The following LPP variants were observed in gnomAD, a reference collection of about 807,000 sequenced individuals.
The protein encoded by LPP is lipoma-preferred partner.
A neutral mutation model predicts 60.4 loss-of-function variants in LPP; 38 were observed. The observed-to-expected ratio is 0.63, with a 90% CI of 0.49 to 0.83. The LOEUF (loss-of-function observed/expected upper bound fraction) is 0.83. LPP is among the 40% of genes least tolerant of loss of function. The probability of loss-of-function intolerance (pLI) is 0.00; values close to 1 mark genes in which losing one functional copy is unlikely to be tolerated. For synonymous variants in LPP, 328 were observed against 290.8 expected (o/e 1.13, Z -1.30); for missense variants, 902 against 783.6 (o/e 1.15, Z -1.80).
At chr3:188,577,591 T>TTA (rs1471282395) in intron 6 of LPP, among the ~76,000 whole-genome samples, 2 of 151,348 alleles carry the variant, frequency 1.3e-5, no homozygotes, top group Admixed American at 1.3e-4. Flanking sequence ...TAAATTTATA[T>TTA]AAGTATATGT....
intron 3 of LPP, among the ~76,000 whole-genome samples, chr3:188,355,167 C>A (rs1476955947): frequency 6.6e-6 from 1 of 152,090 alleles, no homozygotes; most frequent in Non-Finnish European, 1.5e-5. Flanking sequence ...CGCCACCACA[C>A]CTGGCTAATT....
At chr3:188,267,115 G>A (rs1735852881) in intron 2 of LPP, among the ~76,000 whole-genome samples, 1 of 152,170 alleles carries the variant, frequency 6.6e-6, no homozygotes, top group Non-Finnish European at 1.5e-5. Flanking sequence ...AACCCAGAGG[G>A]AGTGTGGTGG....
chr3:188,818,470 C>G (rs1753063616), intron 9 of LPP, among the ~76,000 whole-genome samples: 1 of 152,184 alleles, frequency 6.6e-6, no homozygotes, highest in Non-Finnish European at 1.5e-5. Context: ...TTCAACTACA[C>G]ATGGATAGTC....
intron 9 of LPP, among the ~76,000 whole-genome samples, chr3:188,775,053 G>GTTTTTTTTTTTTTTTTTT (rs764136747): frequency 7.8e-6 from 1 of 127,658 alleles, no homozygotes. Context: ...TACATGCTTA[G>GTTTTTTTTTTTTTTTTTT]TGTTTTTTTT....
chr3:188,768,999 T>G lies in LPP; in HGVS notation c.1410+8717T>G, dbSNP rs529782387. The stretch of plus-strand genomic sequence containing the variant: ...ATTCTTCTAGAGAACCTGAAAAATT[T>G]TAAATATTGGAATAATGAAAGTTTA... On this transcript the variant is annotated intron_variant, in intron 9 of 11. Transcript: ENST00000617246. Among the ~76,000 whole-genome samples the G allele has an allele frequency of 3.3e-5, 5 of 152,268 alleles. No individual in the cohort carries two copies. The South Asian group carries it at 1.0e-3, about 32-fold the overall frequency.
chr3:188,644,762 A>G (rs1850798158), intron 7 of LPP, among the ~76,000 whole-genome samples: 1 of 152,230 alleles, frequency 6.6e-6, no homozygotes, highest in Non-Finnish European at 1.5e-5. Context: ...ACTACTACAT[A>G]GATTTATTAA....
chr3:188,839,253 GA>G (rs1447738494), intron 9 of LPP, among the ~76,000 whole-genome samples: 5 of 152,156 alleles, frequency 3.3e-5, no homozygotes, highest in Admixed American at 6.5e-5. Flanking sequence ...TATAAACAGG[GA>G]AAACATTTTA....
intron 7 of LPP, among the ~76,000 whole-genome samples, chr3:188,657,278 A>ATATATATATATATATATATATATT (rs1580741295): frequency 6.9e-6 from 1 of 144,746 alleles, no homozygotes; most frequent in Admixed American, 6.9e-5. Flanking sequence ...ATATATATAT[A>ATATATATATATATATATATATATT]TATTTCCAAA....
At chr3:188,813,349 G>A (rs190428625) in intron 9 of LPP, among the ~76,000 whole-genome samples, 10 of 152,156 alleles carry the variant, frequency 6.6e-5, no homozygotes, top group Non-Finnish European at 5.9e-5. Context: ...GCCATTTATT[G>A]TACTGAGTAT....
chr3:188,563,458 ATATG>A (rs1831235531), intron 6 of LPP, among the ~76,000 whole-genome samples: 4 of 76,034 alleles, frequency 5.3e-5, no homozygotes, highest in Admixed American at 1.3e-4. Context: ...ATTTACATAT[ATATG>A]TGTGTGTGTG....
intron 2 of LPP, among the ~76,000 whole-genome samples, chr3:188,229,733 C>T (rs986644692): frequency 6.6e-6 from 1 of 152,174 alleles, no homozygotes; most frequent in Admixed American, 6.5e-5. Context: ...TGCTTCCTTC[C>T]TCCTAATTCC....
chr3:188,816,060 CT>C (rs1752387969), intron 9 of LPP, among the ~76,000 whole-genome samples: 1 of 151,734 alleles, frequency 6.6e-6, no homozygotes, highest in Non-Finnish European at 1.5e-5. Flanking sequence ...CACTTTTGAC[CT>C]TTTTTTTCAA....
In LPP at chr3:188,261,330, T is replaced by G. The variant is rs577089871; in HGVS notation, c.-67+35803T>G. ...CTTGTTAAAGTTTTGGAAAATACCT[T>G]TTTTAGAGTCTCTCTTTCTCTCTAC... On this transcript the variant is annotated intron_variant, in intron 2 of 11. Transcript: ENST00000617246. Among the ~76,000 whole-genome samples, 8 of 151,096 alleles carry G rather than the reference T, an allele frequency of 5.3e-5. No individual in the cohort carries two copies. In the South Asian group the frequency reaches 1.5e-3, roughly 28 times the overall value.
At chr3:188,677,485 T>C (rs1192164543) in intron 7 of LPP, among the ~76,000 whole-genome samples, 2 of 152,300 alleles carry the variant, frequency 1.3e-5, no homozygotes, top group East Asian at 3.9e-4. Flanking sequence ...CTACTGTATA[T>C]GGAAGTTGAA....
chr3:188,214,240 C>T (rs1014883757), intron 1 of LPP, among the ~76,000 whole-genome samples: 5 of 152,132 alleles, frequency 3.3e-5, no homozygotes, highest in African/African-American at 1.2e-4. Flanking sequence ...AAGCGATTCT[C>T]CTGCCTCAGC....
chr3:188,659,153 G>C (rs3856917), intron 7 of LPP, among the ~76,000 whole-genome samples: 1 of 152,192 alleles, frequency 6.6e-6, no homozygotes, highest in Non-Finnish European at 1.5e-5. Context: ...CTGTTAGGTA[G>C]CAGGGATAAT....
At chr3:188,566,361 G>A (rs1560573158) in intron 6 of LPP, among the ~76,000 whole-genome samples, 1 of 151,784 alleles carries the variant, frequency 6.6e-6, no homozygotes, top group Non-Finnish European at 1.5e-5. Flanking sequence ...ATATTGTTTT[G>A]AAAATGAACA....
At chr3:188,704,411 A>C (rs1418111840) in intron 7 of LPP, among the ~76,000 whole-genome samples, 1 of 152,212 alleles carries the variant, frequency 6.6e-6, no homozygotes, top group Non-Finnish European at 1.5e-5. Flanking sequence ...ATAGAAGAGA[A>C]CCTGAAGTTA....
chr3:188,331,586 C>T (rs1760095081), intron 2 of LPP, among the ~76,000 whole-genome samples: 1 of 152,180 alleles, frequency 6.6e-6, no homozygotes, highest in South Asian at 2.1e-4. Context: ...CCCCCATCTG[C>T]CTCCTTTCCT....
Sources: gnomAD v4.1 joint callset for allele counts (sites outside exome capture counted in the v4.1 genomes callset) on GRCh38, gnomAD v4.1.1 for gene constraint, MANE v1.5 for transcripts, NCBI Gene and HGNC (gene_info 2026-07-23, HGNC 2026-07-21) for gene names.